The following ANKS1B variants were observed in gnomAD, a reference collection of about 807,000 sequenced individuals.
ANKS1B encodes ankyrin repeat and sterile alpha motif domain-containing protein 1B.
In ANKS1B, 36 loss-of-function variants were observed where a neutral mutation model predicts 148.3. That is an observed-to-expected ratio of 0.24 (90% CI 0.19 to 0.32). The LOEUF (loss-of-function observed/expected upper bound fraction) is 0.32, where lower values mean the gene tolerates loss of function less well. Among genes scored for constraint, ANKS1B ranks in the 10% least tolerant of loss-of-function variants. The pLI, the probability that ANKS1B is intolerant of heterozygous loss-of-function variation, is 1.00. For synonymous variants in ANKS1B, 542 were observed against 560.8 expected, an observed-to-expected ratio of 0.97 and a Z score of 0.47; for missense variants, 1,157 against 1,542.6, an observed-to-expected ratio of 0.75 and a Z score of 4.19.
intron 9 of ANKS1B, among the ~76,000 whole-genome samples, chr12:99,519,800 T>C (rs1280559259): frequency 1.3e-5 from 2 of 152,174 alleles, no homozygotes; most frequent in Non-Finnish European, 2.9e-5. Context: ...ATTTAATTTC[T>C]TCCTTTTTAT....
chr12:99,879,194 T>C (rs1314521032), intron 1 of ANKS1B, among the ~76,000 whole-genome samples: 1 of 152,166 alleles, frequency 6.6e-6, no homozygotes, highest in African/African-American at 2.4e-5. Context: ...CTCTGAAGCA[T>C]GTTATCCCTT....
intron 14 of ANKS1B, among the ~76,000 whole-genome samples, chr12:99,161,442 C>T (rs2076649876): frequency 6.6e-6 from 1 of 151,954 alleles, no homozygotes; most frequent in Admixed American, 6.6e-5. Flanking sequence ...GATGGGAGGA[C>T]CCCAAGGCTG....
intron 14 of ANKS1B, among the ~76,000 whole-genome samples, chr12:99,195,880 A>G (rs1174789431): frequency 6.6e-6 from 1 of 152,108 alleles, no homozygotes; most frequent in Non-Finnish European, 1.5e-5. Context: ...GCAAAATTTA[A>G]GGCGCAAGAA....
intron 17 of ANKS1B, among the ~76,000 whole-genome samples, chr12:98,868,971 A>C (rs1462275157): frequency 6.6e-6 from 1 of 152,152 alleles, no homozygotes; most frequent in Admixed American, 6.5e-5. Flanking sequence ...TGTTTTGTAG[A>C]AAAAAACCAC....
At chr12:99,895,426 C>CGTGT (rs3054221) in intron 1 of ANKS1B, among the ~76,000 whole-genome samples, 19 of 149,040 alleles carry the variant, frequency 1.3e-4, no homozygotes, top group African/African-American at 2.4e-4. Flanking sequence ...ACCCCCAACC[C>CGTGT]GTGTGTGTGT....
intron 9 of ANKS1B, among the ~76,000 whole-genome samples, chr12:99,510,945 G>A (rs2153028627): frequency 6.6e-6 from 1 of 152,076 alleles, no homozygotes; most frequent in East Asian, 1.9e-4. Context: ...GGGCTTTCTA[G>A]ATACAGGATC....
intron 22 of ANKS1B, among the ~76,000 whole-genome samples, chr12:98,794,049 T>C (rs995737371): frequency 5.9e-5 from 9 of 152,146 alleles, no homozygotes; most frequent in South Asian, 2.1e-4. Flanking sequence ...GTCAAAGCAA[T>C]ATACTTATGG....
chr12:99,580,310 A>G (rs1364694390), intron 9 of ANKS1B, among the ~76,000 whole-genome samples: 1 of 152,216 alleles, frequency 6.6e-6, no homozygotes, highest in Non-Finnish European at 1.5e-5. Flanking sequence ...CAATTTACCC[A>G]TGTAACAAAC....
intron 25 of ANKS1B, among the ~76,000 whole-genome samples, chr12:98,771,251 C>T (rs543306559): frequency 6.6e-6 from 1 of 152,114 alleles, no homozygotes; most frequent in African/African-American, 2.4e-5. Flanking sequence ...CTCAGTGAAG[C>T]CTCAGTGTCC....
Position 98,797,521 on chromosome 12 carries a change from G to T in ANKS1B, c.3342+1413C>A, listed in dbSNP as rs146570880. On this transcript the variant is annotated intron_variant, in intron 22 of 26. Coordinates refer to ENST00000683438, the MANE Select transcript of ANKS1B (RefSeq NM_001352186.2). ...CTCCTAAGGCAAATAACCAGCCACG[G>T]AACTAAAACTTAGAGTTTCTGATAT... Among the ~76,000 whole-genome samples the T allele has an allele frequency of 8.5e-5, 13 of 152,240 alleles. No homozygotes were observed. The East Asian group carries it at 2.3e-3, about 27-fold the overall frequency.
chr12:99,575,293 A>G (rs2097505259), intron 9 of ANKS1B, among the ~76,000 whole-genome samples: 1 of 152,034 alleles, frequency 6.6e-6, no homozygotes, highest in Non-Finnish European at 1.5e-5. Context: ...TACAAACTAA[A>G]CTTCATACGT....
Position 98,993,517 on chromosome 12 carries a change from T to C in ANKS1B, c.2778+59640A>G, listed in dbSNP as rs148202551. 4.6e-5 allele frequency among the ~76,000 whole-genome samples: 7 copies of C among 152,358 alleles called. No homozygotes were observed. In the East Asian group the frequency reaches 1.3e-3, roughly 29 times the overall value. On this transcript the variant is annotated intron_variant, in intron 17 of 26. Transcript: ENST00000683438. The stretch of plus-strand genomic sequence containing the variant: ...TCCTCTCCTTTATGGGCCAAGCTGA[T>C]AGCATTTGCTTTACCCTCTCCATTT...
chr12:98,976,805 C>T (rs921081430), intron 17 of ANKS1B: 1 of 152,096 alleles, frequency 6.6e-6, no homozygotes, highest in Admixed American at 6.5e-5. Context: ...AATAGCAGAA[C>T]GTGAATTGAT....
chr12:99,454,099 A>G (rs2095805408), intron 10 of ANKS1B, among the ~76,000 whole-genome samples: 2 of 152,224 alleles, frequency 1.3e-5, no homozygotes, highest in African/African-American at 4.8e-5. Context: ...GGAAGCTATA[A>G]ATAGTTCAGC....
chr12:98,994,290 G>C (rs2099928294), intron 17 of ANKS1B, among the ~76,000 whole-genome samples: 1 of 152,086 alleles, frequency 6.6e-6, no homozygotes, highest in Non-Finnish European at 1.5e-5. Flanking sequence ...TCTTGTTTTA[G>C]TTTGCTAGGG....
intron 8 of ANKS1B, among the ~76,000 whole-genome samples, chr12:99,747,700 C>A (rs1409240511): frequency 6.6e-6 from 1 of 152,140 alleles, no homozygotes; most frequent in Non-Finnish European, 1.5e-5. Flanking sequence ...TGCAGTCCCA[C>A]TTACGTGATG....
chr12:99,248,681 T>C (rs1390454641), intron 12 of ANKS1B, among the ~76,000 whole-genome samples: 1 of 152,184 alleles, frequency 6.6e-6, no homozygotes, highest in Non-Finnish European at 1.5e-5. Context: ...AGTATGTGCA[T>C]TTTTAAGAAG....
intron 14 of ANKS1B, among the ~76,000 whole-genome samples, chr12:99,187,717 C>T (rs1231102172): frequency 6.6e-6 from 1 of 152,048 alleles, no homozygotes; most frequent in Non-Finnish European, 1.5e-5. Flanking sequence ...AAGGAACAAC[C>T]GGTCCAGCCA....
At chr12:99,979,667 G>A (rs565753191) in intron 1 of ANKS1B, among the ~76,000 whole-genome samples, 22 of 152,172 alleles carry the variant, frequency 1.4e-4, no homozygotes, top group Admixed American at 1.3e-3. Flanking sequence ...CCAGAAACAA[G>A]CCATAATAAA....
Sources: gnomAD v4.1 joint callset for allele counts (sites outside exome capture counted in the v4.1 genomes callset) on GRCh38, gnomAD v4.1.1 for gene constraint, MANE v1.5 for transcripts, NCBI Gene and HGNC (gene_info 2026-07-23, HGNC 2026-07-21) for gene names.